Variants in CYYR1 observed in about 807,000 individuals in gnomAD.
CYYR1 encodes the protein cysteine and tyrosine rich 1, also known as cysteine and tyrosine-rich protein 1.
Under a neutral mutation model 15.2 loss-of-function variants are expected in CYYR1, and 14 were observed. That is an observed-to-expected ratio of 0.92 (90% CI 0.61 to 1.44). The LOEUF is 1.44. CYYR1 is among the 40% of genes most tolerant of loss of function. The pLI, the probability that CYYR1 is intolerant of heterozygous loss-of-function variation, is 0.00. For missense variants in CYYR1, 228 were observed against 209.5 expected, an observed-to-expected ratio of 1.09 and a Z score of -0.54; for synonymous variants, 80 against 77.4, an observed-to-expected ratio of 1.03 and a Z score of -0.18.
At chr21:26,569,258 A>G (rs1366899814) in intron 1 of CYYR1, 1 of 152,214 alleles carries the variant, frequency 6.6e-6, no homozygotes, top group Non-Finnish European at 1.5e-5. Flanking sequence ...CAGCCAGAAA[A>G]AAAAAAGAAT....
chr21:26,509,640 A>G (rs1253115849), intron 2 of CYYR1, among the ~76,000 whole-genome samples: 2 of 152,228 alleles, frequency 1.3e-5, no homozygotes, highest in Non-Finnish European at 2.9e-5. Context: ...TGCTTAAGTC[A>G]GATGACTCTC....
intron 2 of CYYR1, among the ~76,000 whole-genome samples, chr21:26,526,216 G>C (rs1183249962): frequency 1.3e-5 from 2 of 152,168 alleles, no homozygotes; most frequent in Non-Finnish European, 2.9e-5. Context: ...GGGAGGCAAA[G>C]GTGGGTGGAC....
intron 2 of CYYR1, chr21:26,564,613 T>A: frequency 4.5e-6 from 4 of 880,782 alleles, no homozygotes; most frequent in Non-Finnish European, 5.4e-6. Flanking sequence ...TTCAAATATA[T>A]AAAAATATTC....
chr21:26,560,877 G>A (rs529014640), intron 2 of CYYR1, among the ~76,000 whole-genome samples: 109 of 152,258 alleles, frequency 7.2e-4, no homozygotes, highest in African/African-American at 2.4e-3. Context: ...GGCACCTGAT[G>A]TAGATCACTA....
chr21:26,570,300 A>C (rs148689991), intron 1 of CYYR1, among the ~76,000 whole-genome samples: 1,670 of 152,184 alleles, frequency 0.011, 16 homozygotes, highest in African/African-American at 0.037. Context: ...AGGTTCCCCA[A>C]CTCACCCCTG....
chr21:26,527,008 G>GA (rs1489815944), intron 2 of CYYR1, among the ~76,000 whole-genome samples: 2 of 152,176 alleles, frequency 1.3e-5, no homozygotes, highest in Non-Finnish European at 2.9e-5. Flanking sequence ...TAATGAATTA[G>GA]AAAATAAAGT....
chr21:26,517,419 A>G (rs907223019), intron 2 of CYYR1, among the ~76,000 whole-genome samples: 1 of 152,150 alleles, frequency 6.6e-6, no homozygotes, highest in African/African-American at 2.4e-5. Flanking sequence ...AGAAAAACTT[A>G]TTTGTCTATC....
Position 26,483,824 on chromosome 21 carries a change from G to T in CYYR1, c.177-3395C>A, listed in dbSNP as rs549286413. Among the ~76,000 whole-genome samples, 9 of 152,202 alleles carry T rather than the reference G, an allele frequency of 5.9e-5. No individual in the cohort carries two copies. In the South Asian group the frequency reaches 1.9e-3, roughly 32 times the overall value. ...ACCAACTATAGCTGTGGAACCTTGG[G>T]CATGTTGCTCAATCTCTCTGTGCCT... On this transcript the variant is annotated intron_variant, in intron 2 of 3. Coordinates refer to ENST00000652641, the MANE Select transcript of CYYR1 (RefSeq NM_001320768.2).
At chr21:26,484,738 A>G (rs1348790289) in intron 2 of CYYR1, among the ~76,000 whole-genome samples, 1 of 152,078 alleles carries the variant, frequency 6.6e-6, no homozygotes, top group African/African-American at 2.4e-5. Flanking sequence ...AAGATATCGA[A>G]TTGGGACATA....
At chr21:26,501,680 A>G (rs1430230550) in intron 2 of CYYR1, among the ~76,000 whole-genome samples, 6 of 152,076 alleles carry the variant, frequency 3.9e-5, no homozygotes, top group Admixed American at 3.9e-4. Context: ...TCATCTGTAC[A>G]GTGGAGATAA....
At chr21:26,525,639 T>C (rs1443806218) in intron 2 of CYYR1, among the ~76,000 whole-genome samples, 1 of 152,214 alleles carries the variant, frequency 6.6e-6, no homozygotes. Flanking sequence ...ATTTAATAAG[T>C]AAATTTATGG....
intron 2 of CYYR1, chr21:26,564,650 T>C: frequency 1.0e-6 from 1 of 975,008 alleles, no homozygotes; most frequent in Non-Finnish European, 1.2e-6. Flanking sequence ...ATGAGTTATA[T>C]GTATTTACCA....
At chr21:26,543,163 C>T (rs1601812634) in intron 2 of CYYR1, among the ~76,000 whole-genome samples, 1 of 152,044 alleles carries the variant, frequency 6.6e-6, no homozygotes, top group African/African-American at 2.4e-5. Context: ...GGGAGGGGAA[C>T]GGCACACACT....
chr21:26,529,263 A>G (rs1163728343), intron 2 of CYYR1, among the ~76,000 whole-genome samples: 4 of 152,202 alleles, frequency 2.6e-5, no homozygotes, highest in Non-Finnish European at 5.9e-5. Flanking sequence ...CACATTAGAT[A>G]ATCTTACATA....
intron 3 of CYYR1, among the ~76,000 whole-genome samples, chr21:26,470,001 A>G (rs542577950): frequency 6.6e-6 from 1 of 152,286 alleles, no homozygotes; most frequent in East Asian, 1.9e-4. Flanking sequence ...CAGTAGCTGA[A>G]TCATCATCAG....
chr21:26,567,346 T>C (rs900539200), intron 1 of CYYR1, among the ~76,000 whole-genome samples: 10 of 152,312 alleles, frequency 6.6e-5, no homozygotes, highest in Admixed American at 2.6e-4. Context: ...ATCAGTAAGA[T>C]ATAAAACAGT....
At chr21:26,529,654 T>C (rs222937) in intron 2 of CYYR1, among the ~76,000 whole-genome samples, 5,681 of 152,244 alleles carry the variant, frequency 0.037, 141 homozygotes, top group South Asian at 0.093. Flanking sequence ...CCTGAAAACA[T>C]AGGGGAGTGC....
intron 1 of CYYR1, chr21:26,568,284 T>C (rs549941732): frequency 1.3e-5 from 2 of 152,282 alleles, no homozygotes; most frequent in Non-Finnish European, 2.9e-5. Context: ...ATGTTTTGCT[T>C]CATGTTCTTA....
rs1491365888 is a variant in CYYR1 at position 26,520,111 on chromosome 21, G to GATATATATATATATATATATATATAT, written c.177-39683_177-39682insATATATATATATATATATATATATAT. ...TTTCTTCTTCTAAAAAAAAACCCAG[G>GATATATATATATATATATATATATAT]AGATATATATATATATATATATATA... On this transcript the variant is annotated intron_variant, in intron 2 of 3. Coordinates refer to ENST00000652641, the MANE Select transcript of CYYR1 (RefSeq NM_001320768.2). 1.6e-3 allele frequency among the ~76,000 whole-genome samples: 135 copies of GATATATATATATATATATATATATAT among 83,044 alleles called. 14 individuals carry two copies. Among genetic ancestry groups the GATATATATATATATATATATATATAT allele is most frequent in the African/African-American group, 2.3e-3 (43 of 19,040 alleles). 54.5% of individuals were successfully genotyped at this position (83,044 alleles called of 152,430 possible). A position where few individuals can be genotyped will look rare whatever the true frequency, so the allele number is the denominator to read the frequency against.
Sources: gnomAD v4.1 joint callset for allele counts (sites outside exome capture counted in the v4.1 genomes callset) on GRCh38, gnomAD v4.1.1 for gene constraint, MANE v1.5 for transcripts, NCBI Gene and HGNC (gene_info 2026-07-23, HGNC 2026-07-21) for gene names.